Variants in FCHO2 observed in about 807,000 individuals in gnomAD.
FCHO2 encodes F-BAR domain only protein 2.
A neutral mutation model predicts 114.1 loss-of-function variants in FCHO2; 43 were observed. That is an observed-to-expected ratio of 0.38 (90% CI 0.30 to 0.49). FCHO2 has a LOEUF of 0.49. Ranked by LOEUF, FCHO2 falls within the 20% of genes least tolerant of loss-of-function variation. FCHO2 has a pLI of 0.97. For synonymous variants in FCHO2, 293 were observed against 315.2 expected (o/e 0.93, Z 0.75); for missense variants, 807 against 950.4 (o/e 0.85, Z 1.98).
chr5:73,049,154 G>A (rs1185185616), intron 11 of FCHO2, among the ~76,000 whole-genome samples: 1 of 152,054 alleles, frequency 6.6e-6, no homozygotes, highest in Non-Finnish European at 1.5e-5. Context: ...GGGATTACAG[G>A]CGTGAGCCAC....
chr5:72,992,787 GAAATGAAA>G (rs1753874581), intron 5 of FCHO2, among the ~76,000 whole-genome samples: 2 of 152,078 alleles, frequency 1.3e-5, no homozygotes, highest in South Asian at 4.1e-4. Flanking sequence ...TCATAAGACT[GAAATGAAA>G]TTGGGGCCTT....
intron 3 of FCHO2, among the ~76,000 whole-genome samples, chr5:72,989,949 A>G (rs577936596): frequency 6.6e-6 from 1 of 152,104 alleles, no homozygotes; most frequent in South Asian, 2.1e-4. Context: ...AAAAATTTGT[A>G]TTAAAAATGT....
intron 22 of FCHO2, among the ~76,000 whole-genome samples, 189 bp from the exon 23 acceptor site, chr5:73,081,594 A>C (rs111980811): frequency 1.8e-4 from 27 of 152,214 alleles, no homozygotes; most frequent in Non-Finnish European, 4.0e-4. Context: ...TGATGTAAGT[A>C]GTAGTAGGTC....
At position 72,992,903 on chromosome 5, in the gene FCHO2, T is replaced by G. The variant is rs755957542; in HGVS notation, c.495+2039T>G. ...TCTAGGAGGTACCATTTATGTTTTA[T>G]TCTATGAATGTCCAGCAGTACTGAT... is the stretch of plus-strand genomic sequence containing the variant. On this transcript the variant is annotated intron_variant, in intron 5 of 25. Transcript: ENST00000430046. 1.6e-4 allele frequency among the ~76,000 whole-genome samples: 24 copies of G among 151,922 alleles called. No individual in the cohort carries two copies. In the East Asian group the frequency reaches 4.5e-3, roughly 28 times the overall value.
chr5:72,997,776 G>A, intron 5 of FCHO2: 2 of 1,322,182 alleles, frequency 1.5e-6, no homozygotes, highest in Non-Finnish European at 2.0e-6. Flanking sequence ...TCTCTGCCCT[G>A]GAAGCCCTAC....
At chr5:72,981,993 G>T (rs531146379) in intron 2 of FCHO2, among the ~76,000 whole-genome samples, 1 of 152,242 alleles carries the variant, frequency 6.6e-6, no homozygotes, top group East Asian at 1.9e-4. Context: ...TCTCTTGCTG[G>T]TGAGGAGTTG....
chr5:72,968,177 GC>G (rs1343426369), intron 1 of FCHO2, among the ~76,000 whole-genome samples: 4 of 152,018 alleles, frequency 2.6e-5, no homozygotes, highest in African/African-American at 9.7e-5. Context: ...GCCCACCTCG[GC>G]CTCCCAAAGT....
At chr5:72,969,650 A>C (rs1752407266) in intron 2 of FCHO2, among the ~76,000 whole-genome samples, 1 of 152,148 alleles carries the variant, frequency 6.6e-6, no homozygotes, top group African/African-American at 2.4e-5. Flanking sequence ...AGCCCTGTTT[A>C]TGTTAGTCAC....
At chr5:72,995,207 C>G (rs1311053652) in intron 5 of FCHO2, among the ~76,000 whole-genome samples, 2 of 151,552 alleles carry the variant, frequency 1.3e-5, no homozygotes, top group Non-Finnish European at 2.9e-5. Flanking sequence ...GTCTTGGACT[C>G]CTGGTGTGGT....
chr5:72,979,170 A>G (rs1186746489), intron 2 of FCHO2, among the ~76,000 whole-genome samples: 1 of 152,064 alleles, frequency 6.6e-6, no homozygotes, highest in African/African-American at 2.4e-5. Context: ...TGTTTGGAAT[A>G]GTTTCAGAAT....
In FCHO2 at chr5:73,014,893, A is replaced by G. The variant is rs538095646; in HGVS notation, c.601-733A>G. ...GGAGATCGAGACTTTCCTGGCTAAC[A>G]CGGTGAAACCCGTCTCTACTAAAAA... On this transcript the variant is annotated intron_variant, in intron 6 of 25. Coordinates refer to ENST00000430046, the MANE Select transcript of FCHO2 (RefSeq NM_138782.3). Among the ~76,000 whole-genome samples, 9 of 151,854 alleles carry G rather than the reference A, an allele frequency of 5.9e-5. No individual in the cohort carries two copies. In the South Asian group the frequency reaches 1.2e-3, roughly 21 times the overall value.
chr5:73,077,235 C>CGT (rs967631847), intron 20 of FCHO2, 103 bp from the exon 21 acceptor site: 11 of 884,818 alleles, frequency 1.2e-5, no homozygotes, highest in East Asian at 2.7e-5. Context: ...CATATAGGTG[C>CGT]GTGTGTGTGT....
intron 21 of FCHO2, 109 bp downstream of exon 21, chr5:73,077,602 G>T: frequency 8.3e-7 from 1 of 1,198,402 alleles, no homozygotes; most frequent in Non-Finnish European, 1.1e-6. Context: ...GGCTGAGGCA[G>T]GTGGATTGCT....
At chr5:72,973,012 T>G (rs1752653736) in intron 2 of FCHO2, among the ~76,000 whole-genome samples, 1 of 152,238 alleles carries the variant, frequency 6.6e-6, no homozygotes, top group Admixed American at 6.5e-5. Context: ...ATTTATTGAT[T>G]TGCGTATATT....
chr5:73,054,120 A>T, intron 13 of FCHO2, 40 bp from the exon 14 acceptor site: 1 of 1,425,790 alleles, frequency 7.0e-7, no homozygotes, highest in Middle Eastern at 1.8e-4. Flanking sequence ...CAGTATTCAG[A>T]ATTCTAACCT....
chr5:72,979,532 CAG>C (rs1753077279), intron 2 of FCHO2, among the ~76,000 whole-genome samples: 3 of 149,958 alleles, frequency 2.0e-5, no homozygotes, highest in African/African-American at 7.3e-5. Flanking sequence ...GCTGGGACTA[CAG>C]GCGCCCGCTA....
At position 73,081,885 on chromosome 5, in the gene FCHO2, G is replaced by C; in HGVS notation, c.2083G>C (p.Glu695Gln). ...DLRVDYKYNP[E>Q]AMVAPSVLSN... Reference sequence around the variant, plus strand: ...TAGAGTGGATTATAAATACAATCCAGAAGCTATGGTGGCACCTAGTGTGCT... The same window carrying C: ...TAGAGTGGATTATAAATACAATCCACAAGCTATGGTGGCACCTAGTGTGCT... The change falls in exon 23 of 26, where the codon GAA (glutamate) becomes CAA (glutamine). Residue 695 changes from glutamate (E) to glutamine (Q), a missense_variant. Transcript: ENST00000430046. 2 of 1,612,786 alleles carry C rather than the reference G, an allele frequency of 1.2e-6. No homozygotes were observed. The highest frequency in any genetic ancestry group is 1.7e-6 in the Non-Finnish European group (2 of 1,179,288).
In FCHO2 at chr5:73,082,276, C is replaced by A. The variant is rs200787179; in HGVS notation, c.2180+294C>A. Among the ~76,000 whole-genome samples the A allele has an allele frequency of 6.0e-3, 506 of 84,400 alleles. 2 individuals are homozygous for A. Among genetic ancestry groups the A allele is most frequent in the African/African-American group, 0.019 (465 of 24,498 alleles). The allele number at this position is 84,400 out of a possible 152,430, so 55.4% of individuals were successfully genotyped here. A position where few individuals can be genotyped will look rare whatever the true frequency, so the allele number is the denominator to read the frequency against. ...TCTAAACTTCTTTTTTTTTTTTTTT[C>A]ATTTAAAAAATACAAATATTTTATG... On this transcript the variant is annotated intron_variant, in intron 23 of 25. Transcript: ENST00000430046.
chr5:73,090,200 G>C lies in FCHO2; in HGVS notation c.*2110G>C, dbSNP rs1743444423. 1 of 152,450 alleles carries C rather than the reference G, an allele frequency of 6.6e-6. No individual in the cohort carries two copies. The highest frequency in any genetic ancestry group is 1.5e-5 in the Non-Finnish European group (1 of 67,976). The allele number at this position is 152,450 out of a possible 1,614,324, so 9.4% of individuals were successfully genotyped here. A position where few individuals can be genotyped will look rare whatever the true frequency, so the allele number is the denominator to read the frequency against. On this transcript the variant is annotated 3_prime_UTR_variant, in exon 26 of 26. Coordinates refer to ENST00000430046, the MANE Select transcript of FCHO2 (RefSeq NM_138782.3). ...AGGTTACAATTTTGAAGCCATATGA[G>C]TTTATATTGATTTTTTTTTTCCATT...
Sources: allele counts gnomAD v4.1 joint callset (sites outside exome capture counted in the v4.1 genomes callset), GRCh38; gene constraint gnomAD v4.1.1; transcripts MANE v1.5; gene names NCBI Gene and HGNC (gene_info 2026-07-23, HGNC 2026-07-21).